The following TET3 variants were observed in gnomAD, a reference collection of about 807,000 sequenced individuals.
The protein encoded by TET3 is methylcytosine dioxygenase TET3.
Under a neutral mutation model 141.4 loss-of-function variants are expected in TET3, and 19 were observed. That is an observed-to-expected ratio of 0.13 (90% CI 0.09 to 0.20). The LOEUF is 0.20. Ranked by LOEUF, TET3 falls within the 10% of genes least tolerant of loss-of-function variation. TET3 has a pLI of 1.00. For missense variants in TET3, 1,874 were observed against 2,356.9 expected, an observed-to-expected ratio of 0.80 and a Z score of 4.24; for synonymous variants, 1,043 against 980.9, an observed-to-expected ratio of 1.06 and a Z score of -1.18.
intron 4 of TET3, among the ~76,000 whole-genome samples, chr2:74,053,243 T>TCC (rs142543680): frequency 2.8e-4 from 42 of 151,248 alleles, no homozygotes; most frequent in South Asian, 1.9e-3. Context: ...CATTGGAGAG[T>TCC]CCCCCCCCAA....
chr2:74,109,092 CCTT>C (rs1222191556), downstream of TET3, among the ~76,000 whole-genome samples: 1 of 152,188 alleles, frequency 6.6e-6, no homozygotes. Context: ...CTGCTTTCCT[CCTT>C]GAGTTGGAAG....
rs142872372 is a variant in TET3 at position 74,031,016 on chromosome 2, G to A, written c.361-15262G>A. Among the ~76,000 whole-genome samples, 4 of 152,214 alleles carry A rather than the reference G, an allele frequency of 2.6e-5. 1 individual carries two copies. In the East Asian group the frequency reaches 7.7e-4, roughly 29 times the overall value. ...AGTTGCTGAGGAAAAGGATGCAGGCGCTGAGTTAAGTTGTAAATGTGATGG... is the reference window on the plus strand; with the variant it reads ...AGTTGCTGAGGAAAAGGATGCAGGCACTGAGTTAAGTTGTAAATGTGATGG... On this transcript the variant is annotated intron_variant, in intron 3 of 11. Transcript: ENST00000409262.
chr2:74,030,330 A>G (rs1253731597), intron 3 of TET3, among the ~76,000 whole-genome samples: 1 of 152,208 alleles, frequency 6.6e-6, no homozygotes, highest in African/African-American at 2.4e-5. Context: ...ACAGTATGGT[A>G]TTCTGCTATT....
chr2:74,126,084 A>AT, the TET3 span, among the ~76,000 whole-genome samples: 79 of 152,122 alleles, frequency 5.2e-4, no homozygotes, highest in Non-Finnish European at 9.9e-4. Flanking sequence ...AAAATTTTGT[A>AT]TTTTTTCTTA....
downstream of TET3, among the ~76,000 whole-genome samples, chr2:74,109,635 A>C (rs992774208): frequency 6.6e-6 from 1 of 152,172 alleles, no homozygotes; most frequent in Non-Finnish European, 1.5e-5. Context: ...GTTGCAGTAA[A>C]TTCCCCTCTG....
At chr2:74,022,625 G>A (rs988643700) in intron 3 of TET3, among the ~76,000 whole-genome samples, 1 of 151,320 alleles carries the variant, frequency 6.6e-6, no homozygotes, top group African/African-American at 2.4e-5. Flanking sequence ...CACTGCTTTT[G>A]CAAATTAAGA....
chr2:74,065,600 T>G (rs867243656), intron 4 of TET3, among the ~76,000 whole-genome samples: 7 of 130,880 alleles, frequency 5.3e-5, no homozygotes, highest in South Asian at 2.3e-4. Flanking sequence ...CCGTCCTTCC[T>G]TCCGTCCGTC....
At chr2:74,059,220 T>A (rs1158722007) in intron 4 of TET3, among the ~76,000 whole-genome samples, 1 of 152,260 alleles carries the variant, frequency 6.6e-6, no homozygotes, top group Non-Finnish European at 1.5e-5. Context: ...TTTGTGAGAT[T>A]CATCTATATT....
Position 74,099,601 on chromosome 2 carries a change from CG to C in TET3, c.3594del (p.Ser1199ArgfsTer7). ...KQEALELAGI[T>X]SDPGLSLKGG... ...GAGGCCCTGGAGCTGGCGGGCATTA[CG>C]TCGGACCCAGGTGTGTGGGGGGAGG... is the stretch of plus-strand genomic sequence containing the variant. On this transcript the variant is annotated frameshift_variant, in exon 11 of 12. Transcript: ENST00000409262. LOFTEE classifies it high-confidence loss of function. 6.3e-7 allele frequency: 1 copy of C among 1,576,506 alleles called. No homozygotes were observed. Among genetic ancestry groups the C allele is most frequent in the Non-Finnish European group, 8.6e-7 (1 of 1,158,868 alleles).
At chr2:74,123,308 G>C in the TET3 span, 2 of 152,260 alleles carry the variant, frequency 1.3e-5, no homozygotes. Flanking sequence ...GCGACGGAGC[G>C]AGACTCTGTC....
Position 74,106,564 on chromosome 2 carries a change from G to T in TET3, c.*4388G>T, listed in dbSNP as rs1312361710. 6.5e-6 allele frequency: 1 copy of T among 153,706 alleles called. No homozygotes were observed. Among genetic ancestry groups the T allele is most frequent in the Non-Finnish European group, 1.5e-5 (1 of 68,062 alleles). 9.5% of individuals were successfully genotyped at this position (153,706 alleles called of 1,614,324 possible). A position where few individuals can be genotyped will look rare whatever the true frequency, so the allele number is the denominator to read the frequency against. ...CATTCTCTGACCCAGCGTTGCTTCT[G>T]CCTCTCATTGGTAACCCCTTATGTT... On this transcript the variant is annotated 3_prime_UTR_variant, in exon 12 of 12. Transcript: ENST00000409262.
the TET3 span, among the ~76,000 whole-genome samples, chr2:74,128,060 G>A: frequency 0.047 from 7,168 of 152,246 alleles, 570 homozygotes; most frequent in African/African-American, 0.16. Flanking sequence ...TTAATAATGT[G>A]TGTATAGAAG....
rs1687711851 is a variant in TET3, at chr2:74,047,639, A to C, written c.1722A>C (p.Pro574=). 1 of 1,613,204 alleles carries C rather than the reference A, an allele frequency of 6.2e-7. No homozygotes were observed. Among genetic ancestry groups the C allele is most frequent in the Non-Finnish European group, 8.5e-7 (1 of 1,179,640 alleles). Residue 574 remains proline, a synonymous_variant, in exon 4 of 12, where the codon CCA becomes CCC. Coordinates refer to ENST00000409262, the MANE Select transcript of TET3 (RefSeq NM_001287491.2). ...SSPVPRLPDR[P]PKEKKKKLPT... The stretch of plus-strand genomic sequence containing the variant: ...CTGTCCCACGGCTTCCAGACAGACC[A>C]CCCAAGGAGAAGAAGAAGAAGCTCC...
At chr2:74,003,835 C>T (rs1685004201) in intron 3 of TET3, among the ~76,000 whole-genome samples, 1 of 140,338 alleles carries the variant, frequency 7.1e-6, no homozygotes, top group Non-Finnish European at 1.5e-5. Flanking sequence ...CACTGAGCTT[C>T]TCCTTGTGGT....
At chr2:74,109,340 A>G (rs1558808028), downstream of TET3, among the ~76,000 whole-genome samples, 1 of 152,266 alleles carries the variant, frequency 6.6e-6, no homozygotes, top group South Asian at 2.1e-4. Flanking sequence ...ATTGGTTGCA[A>G]ACATTTTGAG....
rs751945236 is a variant in TET3, at chr2:74,047,890, T to C, written c.1973T>C (p.Leu658Pro). 1.9e-6 allele frequency: 3 copies of C among 1,613,208 alleles called. No individual in the cohort carries two copies. The Admixed American group carries it at 5.0e-5, about 27-fold the overall frequency. ...GCCTCACAGGGCTCTGCTGTGCCCC[T>C]GCCCCCAGAACCTTCTCTTGCGCTA... is the stretch of plus-strand genomic sequence containing the variant. Reference protein sequence around the residue: ...LPASQGSAVPLPPEPSLALFA... With the variant: ...LPASQGSAVPPPPEPSLALFA... The change falls in exon 4 of 12, where the codon CTG (leucine) becomes CCG (proline). Residue 658 changes from leucine (L) to proline (P), a missense_variant. Leu to Pro is a moderately conservative substitution (Grantham distance 98). Around this residue, in one of 10 missense-constraint regions of TET3, gnomAD observed 484 missense variants for 462.2 expected, o/e 1.05. Transcript: ENST00000409262.
intron 2 of TET3, chr2:73,993,678 TG>T (rs1684441929): frequency 6.6e-6 from 1 of 152,222 alleles, no homozygotes; most frequent in African/African-American, 2.4e-5. Context: ...TTCTGGCATT[TG>T]TTTCCTTGTA....
intron 2 of TET3, among the ~76,000 whole-genome samples, chr2:73,997,370 G>A (rs1684646832): frequency 6.6e-6 from 1 of 152,172 alleles, no homozygotes; most frequent in South Asian, 2.1e-4. Context: ...TAAGCTCTGT[G>A]TGCCCCAGTT....
intron 2 of TET3, among the ~76,000 whole-genome samples, chr2:73,991,949 T>A (rs537028169): frequency 2.0e-5 from 3 of 150,020 alleles, no homozygotes; most frequent in Admixed American, 2.0e-4. Context: ...AGTGAGGGGG[T>A]AAAAGGCCAA....
Sources: gnomAD v4.1 joint callset for allele counts (sites outside exome capture counted in the v4.1 genomes callset) on GRCh38, gnomAD v4.1.1 for gene constraint, gnomAD v4.1.1 regional missense constraint, MANE v1.5 for transcripts, NCBI Gene and HGNC (gene_info 2026-07-23, HGNC 2026-07-21) for gene names.